The following TRAP1 variants were observed in gnomAD, a reference collection of about 807,000 sequenced individuals.
TRAP1 encodes heat shock protein 75 kDa, mitochondrial.
In TRAP1, 102 loss-of-function variants were observed where a neutral mutation model predicts 89.1. That is an observed-to-expected ratio of 1.15 (90% CI 0.98 to 1.35). TRAP1 has a LOEUF of 1.35. Ranked by LOEUF, TRAP1 falls within the 40% of genes most tolerant of loss-of-function variation. TRAP1 has a pLI of 0.00. For synonymous variants in TRAP1, 508 were observed against 388.0 expected (o/e 1.31, Z -3.64); for missense variants, 1,256 against 945.3 (o/e 1.33, Z -4.31).
intron 11 of TRAP1, among the ~76,000 whole-genome samples, chr16:3,668,441 C>G (rs2050867134): frequency 6.6e-6 from 1 of 151,828 alleles, no homozygotes; most frequent in South Asian, 2.1e-4. Flanking sequence ...TTCAAAATAC[C>G]TATAACATCT....
intron 1 of TRAP1, among the ~76,000 whole-genome samples, chr16:3,705,669 G>A (rs1227273503): frequency 6.6e-6 from 1 of 151,928 alleles, no homozygotes; most frequent in African/African-American, 2.4e-5. Flanking sequence ...TCAAATGATG[G>A]GCAACTGGGT....
intron 1 of TRAP1, among the ~76,000 whole-genome samples, chr16:3,704,513 C>G (rs1390076374): frequency 3.3e-5 from 5 of 152,136 alleles, no homozygotes; most frequent in Non-Finnish European, 7.4e-5. Context: ...GGAAATTCAT[C>G]AAATATTAAA....
In TRAP1 at chr16:3,666,060, T is replaced by C. The variant is rs201659814; in HGVS notation, c.1294A>G (p.Lys432Glu). The C allele has an allele frequency of 3.1e-6, 5 of 1,614,172 alleles. No homozygotes were observed. In the East Asian group the frequency reaches 1.1e-4, roughly 36 times the overall value. The change falls in exon 12 of 18, where the codon AAA becomes GAA. Residue 432 changes from lysine (K) to glutamate (E), a missense_variant. Lys to Glu is a moderately conservative substitution (Grantham distance 56). Coordinates refer to ENST00000246957, the MANE Select transcript of TRAP1 (RefSeq NM_016292.3). ...AACTTTGCATACTTCTCAGCATCTTTTTTACTCTGGTCAATGAAGAATTTG... is the reference window on the plus strand; with the variant it reads ...AACTTTGCATACTTCTCAGCATCTTCTTTACTCTGGTCAATGAAGAATTTG... The part of the protein sequence containing the change: ...LIKFFIDQSK[K>E]DAEKYAKFFE...
chr16:3,713,818 A>G, intron 1 of TRAP1, among the ~76,000 whole-genome samples: 1 of 152,342 alleles, frequency 6.6e-6, no homozygotes, highest in Admixed American at 6.5e-5. Context: ...CACTTCTGAC[A>G]GTTGGAGCTC....
At chr16:3,691,837 TCTAA>T (rs1257245270) in intron 1 of TRAP1, among the ~76,000 whole-genome samples, 2 of 152,126 alleles carry the variant, frequency 1.3e-5, no homozygotes, top group African/African-American at 4.8e-5. Flanking sequence ...GGTTCTACCT[TCTAA>T]CTAAGAAGGA....
At chr16:3,690,323 C>T (rs1207041326) in intron 2 of TRAP1, among the ~76,000 whole-genome samples, 1 of 152,154 alleles carries the variant, frequency 6.6e-6, no homozygotes, top group South Asian at 2.1e-4. Context: ...TTCAAAAAAG[C>T]GGTTTCCAAA....
intron 1 of TRAP1, among the ~76,000 whole-genome samples, chr16:3,698,678 CG>C (rs968401967): frequency 2.6e-5 from 4 of 151,510 alleles, no homozygotes; most frequent in East Asian, 2.0e-4. Context: ...AGGCCAAGGC[CG>C]GGGGGTCGCT....
chr16:3,666,876 C>G (rs2050839742), intron 11 of TRAP1, among the ~76,000 whole-genome samples: 1 of 152,208 alleles, frequency 6.6e-6, no homozygotes, highest in Admixed American at 6.5e-5. Flanking sequence ...AACTTTATCA[C>G]TGGGACTAGG....
chr16:3,702,523 G>A lies in TRAP1; in HGVS notation c.89-11538C>T, dbSNP rs547075405. Among the ~76,000 whole-genome samples, 18 of 151,116 alleles carry A rather than the reference G, an allele frequency of 1.2e-4. 2 individuals carry two copies. The highest frequency in any genetic ancestry group is 6.3e-4 in the South Asian group (3 of 4,774). On this transcript the variant is annotated intron_variant, in intron 1 of 17. Transcript: ENST00000246957. Reference sequence around the variant, plus strand: ...TCTAGGAGGCTGAGGCAGGCAGATCGCTTGAGCCCAGGAGTTTGAGACCAG... The same window carrying A: ...TCTAGGAGGCTGAGGCAGGCAGATCACTTGAGCCCAGGAGTTTGAGACCAG...
At chr16:3,685,862 TA>T in intron 4 of TRAP1, 133 bp downstream of exon 4, 1 of 1,212,848 alleles carries the variant, frequency 8.2e-7, no homozygotes, top group Non-Finnish European at 1.1e-6. Context: ...ACTGTAACAC[TA>T]AATTATAGCC....
At chr16:3,694,774 G>A (rs571091971) in intron 1 of TRAP1, among the ~76,000 whole-genome samples, 43 of 152,230 alleles carry the variant, frequency 2.8e-4, no homozygotes, top group Non-Finnish European at 4.4e-4. Flanking sequence ...CACTGTACCC[G>A]GCCTTCAAAC....
At chr16:3,698,092 C>G (rs1252131765) in intron 1 of TRAP1, among the ~76,000 whole-genome samples, 1 of 150,884 alleles carries the variant, frequency 6.6e-6, no homozygotes, top group Non-Finnish European at 1.5e-5. Flanking sequence ...ATTACAGGCA[C>G]AAACCACTAC....
At chr16:3,686,179 C>T in intron 3 of TRAP1, 43 bp from the exon 4 acceptor site, 2 of 1,604,498 alleles carry the variant, frequency 1.2e-6, no homozygotes, top group Non-Finnish European at 1.7e-6. Context: ...GAAGGACACT[C>T]ATCCTGCAGG....
intron 1 of TRAP1, among the ~76,000 whole-genome samples, chr16:3,704,966 TTTA>T (rs1263829710): frequency 6.6e-6 from 1 of 152,214 alleles, no homozygotes; most frequent in Non-Finnish European, 1.5e-5. Flanking sequence ...ATTTAGTAAC[TTTA>T]TTGAGATGTA....
At chr16:3,715,235 G>T (rs568575546) in intron 1 of TRAP1, among the ~76,000 whole-genome samples, 2 of 152,108 alleles carry the variant, frequency 1.3e-5, no homozygotes, top group Non-Finnish European at 2.9e-5. Flanking sequence ...TCAGGAGATC[G>T]AGACCATCCT....
chr16:3,672,247 A>G (rs2050923895), intron 10 of TRAP1, among the ~76,000 whole-genome samples: 1 of 152,014 alleles, frequency 6.6e-6, no homozygotes, highest in East Asian at 1.9e-4. Context: ...AAGGCAGGAG[A>G]ATCACTTAAG....
intron 12 of TRAP1, chr16:3,664,826 G>C (rs1270693936): frequency 4.5e-6 from 1 of 219,982 alleles, no homozygotes. Context: ...ACGGACACGG[G>C]TGAAGTCCAC....
At chr16:3,664,665 G>A (rs891799225) in intron 12 of TRAP1, 1 of 568,506 alleles carries the variant, frequency 1.8e-6, no homozygotes, top group Non-Finnish European at 3.0e-6. Flanking sequence ...TGGGGGCTTA[G>A]GAAGCACCTC....
chr16:3,661,558 G>A (rs1193309773), intron 16 of TRAP1: 1 of 158,864 alleles, frequency 6.3e-6, no homozygotes, highest in African/African-American at 2.4e-5. Context: ...TGCCGAGGTG[G>A]GTTTCTGCAG....
Sources: gnomAD v4.1 joint callset for allele counts (sites outside exome capture counted in the v4.1 genomes callset) on GRCh38, gnomAD v4.1.1 for gene constraint, MANE v1.5 for transcripts, NCBI Gene and HGNC (gene_info 2026-07-23, HGNC 2026-07-21) for gene names.